SPNS1: variants seen among roughly 807,000 people sequenced by gnomAD.
SPNS1 encodes SPNS lysolipid transporter 1, lysophospholipid.
Under a neutral mutation model 50.3 loss-of-function variants are expected in SPNS1, and 22 were observed. The observed-to-expected ratio is 0.44, with a 90% CI of 0.31 to 0.62. The LOEUF (loss-of-function observed/expected upper bound fraction) is 0.62, where lower values mean the gene tolerates loss of function less well. Ranked by LOEUF, SPNS1 falls within the 20% of genes least tolerant of loss-of-function variation. The pLI is 0.07. For synonymous variants in SPNS1, 295 were observed against 317.4 expected (o/e 0.93, Z 0.75); for missense variants, 576 against 728.6 (o/e 0.79, Z 2.41).
chr16:28,977,327 A>AG (rs1177804624), intron 2 of SPNS1, among the ~76,000 whole-genome samples: 1 of 151,842 alleles, frequency 6.6e-6, no homozygotes, highest in East Asian at 1.9e-4. Context: ...AAAAAAAAAA[A>AG]AAAAAAGAGA....
chr16:28,982,631 C>A, intron 8 of SPNS1, 86 bp downstream of exon 8: 1 of 1,451,008 alleles, frequency 6.9e-7, no homozygotes, highest in Non-Finnish European at 9.4e-7. Flanking sequence ...GGTGGAATGC[C>A]TGGTTTTGAA....
chr16:28,983,976 C>T lies in SPNS1; in HGVS notation c.1492+19C>T. The stretch of plus-strand genomic sequence containing the variant: ...GTGCAGGGTCAGTTAGGAGCTGTGC[C>T]CGGCCCAGCTTCTTGATCTGCCTGT... On this transcript the variant is annotated intron_variant, in intron 11 of 11. Transcript: ENST00000311008. This position sits in a 1 kb window ranked among gnomAD's most constrained non-coding sequence, Gnocchi z 5.4. 1 of 1,538,238 alleles carries T rather than the reference C, an allele frequency of 6.5e-7. No homozygotes were observed. The highest frequency in any genetic ancestry group is 8.7e-7 in the Non-Finnish European group (1 of 1,147,580).
intron 8 of SPNS1, 135 bp downstream of exon 8, chr16:28,982,680 A>G: frequency 2.4e-6 from 3 of 1,270,290 alleles, no homozygotes; most frequent in Non-Finnish European, 3.3e-6. Context: ...GACATTGGAC[A>G]AGTGACTTAA....
intron 2 of SPNS1, among the ~76,000 whole-genome samples, chr16:28,976,197 G>C (rs4788112): frequency 6.6e-6 from 1 of 151,936 alleles, no homozygotes; most frequent in East Asian, 1.9e-4. Context: ...ACTTGAACCC[G>C]GGAGGCAGAG....
At chr16:28,976,536 T>G (rs78722125) in intron 2 of SPNS1, among the ~76,000 whole-genome samples, 5,439 of 152,204 alleles carry the variant, frequency 0.036, 136 homozygotes, top group Non-Finnish European at 0.06. Context: ...CAAAAATAGG[T>G]GTTACTGTTC....
chr16:28,983,045 G>C lies in SPNS1; in HGVS notation c.1221+123G>C. On this transcript the variant is annotated intron_variant, in intron 9 of 11. Transcript: ENST00000311008. This position sits in a 1 kb window ranked among gnomAD's most constrained non-coding sequence, Gnocchi z 5.4. ...CTACCTTCTGCAATAAATAACATCTGTAGCAGACCCCCGGCCTGCCCTGCG... is the reference window on the plus strand; with the variant it reads ...CTACCTTCTGCAATAAATAACATCTCTAGCAGACCCCCGGCCTGCCCTGCG... The C allele has an allele frequency of 7.8e-7, 1 of 1,276,112 alleles. No individual in the cohort carries two copies. Among genetic ancestry groups the C allele is most frequent in the Admixed American group, 1.8e-5 (1 of 54,582 alleles). The allele number at this position is 1,276,112 out of a possible 1,614,324, so 79.0% of individuals were successfully genotyped here. A position where few individuals can be genotyped will look rare whatever the true frequency, so the allele number is the denominator to read the frequency against.
chr16:28,975,598 T>A, intron 2 of SPNS1, 41 bp downstream of exon 2: 1 of 1,610,184 alleles, frequency 6.2e-7, no homozygotes, highest in Non-Finnish European at 8.5e-7. Context: ...CGCTCCTCCT[T>A]CTGTTCTGTC....
At chr16:28,976,180 G>A (rs555178775) in intron 2 of SPNS1, among the ~76,000 whole-genome samples, 3 of 152,280 alleles carry the variant, frequency 2.0e-5, no homozygotes, top group South Asian at 4.1e-4. Context: ...GCTGAGGCAT[G>A]AGAGTTACTT....
chr16:28,983,097 C>G lies in SPNS1; in HGVS notation c.1222-95C>G, dbSNP rs1048745942. 56 of 1,255,140 alleles carry G rather than the reference C, an allele frequency of 4.5e-5. No homozygotes were observed. The highest frequency in any genetic ancestry group is 5.5e-5 in the Non-Finnish European group (48 of 870,344). The allele number at this position is 1,255,140 out of a possible 1,614,324, so 77.8% of individuals were successfully genotyped here. ...CCTCAACCCCAGGCACACCTCTGAC[C>G]CCGGCCTAGGCGGATCCTTGGTGGT... On this transcript the variant is annotated intron_variant, in intron 9 of 11. Coordinates refer to ENST00000311008, the MANE Select transcript of SPNS1 (RefSeq NM_032038.3). The surrounding 1 kb of genome is among the most constrained non-coding windows in gnomAD (Gnocchi z 5.4).
chr16:28,979,800 A>G (rs1596749573), intron 5 of SPNS1: 1 of 294,834 alleles, frequency 3.4e-6, no homozygotes, highest in South Asian at 3.1e-5. Context: ...AGGCAGGTGG[A>G]TCACTTGAGG....
chr16:28,981,689 C>T lies in SPNS1; in HGVS notation c.809+74C>T, dbSNP rs931247341. 5.7e-6 allele frequency: 9 copies of T among 1,576,838 alleles called. No homozygotes were observed. In the African/African-American group the frequency reaches 1.2e-4, roughly 21 times the overall value. ...GGTTTGAGGTTTAAGTGGGGATGTT[C>T]CTGTTCCTGGCCACACCCCAAGGCC... On this transcript the variant is annotated intron_variant, in intron 6 of 11. Coordinates refer to ENST00000311008, the MANE Select transcript of SPNS1 (RefSeq NM_032038.3). This position sits in a 1 kb window ranked among gnomAD's most constrained non-coding sequence, Gnocchi z 4.2.
intron 7 of SPNS1, 21 bp from the exon 8 acceptor site, chr16:28,982,335 A>T (rs1965582183): frequency 1.3e-6 from 2 of 1,542,800 alleles, no homozygotes; most frequent in East Asian, 4.6e-5. Flanking sequence ...CAAACCCCCC[A>T]TTCCCTTCCC....
In SPNS1 at chr16:28,974,852, C is replaced by T. The variant is rs1343911842; in HGVS notation, c.-300C>T. On this transcript the variant is annotated 5_prime_UTR_variant, in exon 1 of 12. Transcript: ENST00000311008. Reference sequence around the variant, plus strand: ...GCTGAGCGACAGCAAGTGCAGCGGGCTCCTACCCCGGGTGAGGGGTGGCCT... The same window carrying T: ...GCTGAGCGACAGCAAGTGCAGCGGGTTCCTACCCCGGGTGAGGGGTGGCCT... 3.3e-6 allele frequency: 5 copies of T among 1,535,510 alleles called. No individual in the cohort carries two copies. The Admixed American group carries it at 9.8e-5, about 30-fold the overall frequency.
rs374022114 is a variant in SPNS1, at chr16:28,978,816, T to C, written c.445-339T>C. On this transcript the variant is annotated intron_variant, in intron 3 of 11. Coordinates refer to ENST00000311008, the MANE Select transcript of SPNS1 (RefSeq NM_032038.3). ...CACATAAACTCCCATCTAAGGTCAC[T>C]TATTCATTAAAAAAAAAAAATTAAA... 1.8e-4 allele frequency: 46 copies of C among 257,700 alleles called. 2 individuals carry two copies. Among genetic ancestry groups the C allele is most frequent in the African/African-American group, 5.7e-4 (25 of 43,972 alleles). The allele number at this position is 257,700 out of a possible 1,614,324, so 16.0% of individuals were successfully genotyped here.
chr16:28,983,359 G>T lies in SPNS1; in HGVS notation c.1320+69G>T. ...AGCCTGGGCTGGATCAGAAGGCCTG[G>T]CCCTAGTGAAGTGTCTGTGTCCTGC... On this transcript the variant is annotated intron_variant, in intron 10 of 11. Transcript: ENST00000311008. This position sits in a 1 kb window ranked among gnomAD's most constrained non-coding sequence, Gnocchi z 5.4. 2 of 1,286,670 alleles carry T rather than the reference G, an allele frequency of 1.6e-6. No homozygotes were observed. Among genetic ancestry groups the T allele is most frequent in the Non-Finnish European group, 2.3e-6 (2 of 883,250 alleles). The allele number at this position is 1,286,670 out of a possible 1,614,324, so 79.7% of individuals were successfully genotyped here.
intron 2 of SPNS1, among the ~76,000 whole-genome samples, chr16:28,977,086 G>A (rs1183320584): frequency 1.3e-5 from 2 of 152,254 alleles, no homozygotes; most frequent in East Asian, 3.9e-4. Flanking sequence ...TTGGGAGGCC[G>A]AGGCGGGTGG....
chr16:28,981,789 C>G lies in SPNS1; in HGVS notation c.810-112C>G. The G allele has an allele frequency of 6.6e-7, 1 of 1,519,210 alleles. No homozygotes were observed. The highest frequency in any genetic ancestry group is 1.2e-5 in the South Asian group (1 of 82,998). 94.1% of individuals were successfully genotyped at this position (1,519,210 alleles called of 1,614,324 possible). A position where few individuals can be genotyped will look rare whatever the true frequency, so the allele number is the denominator to read the frequency against. On this transcript the variant is annotated intron_variant, in intron 6 of 11. Coordinates refer to ENST00000311008, the MANE Select transcript of SPNS1 (RefSeq NM_032038.3). This position sits in a 1 kb window ranked among gnomAD's most constrained non-coding sequence, Gnocchi z 4.2. ...CCCAGATCCTGGGAGCCAGAACCAC[C>G]TCTGCACGGTGTTGTGACCTTACTA...
Position 28,983,104 on chromosome 16 carries a change from T to G in SPNS1, c.1222-88T>G. 1 of 1,280,036 alleles carries G rather than the reference T, an allele frequency of 7.8e-7. No individual in the cohort carries two copies. The highest frequency in any genetic ancestry group is 1.5e-5 in the African/African-American group (1 of 68,218). The allele number at this position is 1,280,036 out of a possible 1,614,324, so 79.3% of individuals were successfully genotyped here. ...CCCAGGCACACCTCTGACCCCGGCC[T>G]AGGCGGATCCTTGGTGGTCTCCTGG... On this transcript the variant is annotated intron_variant, in intron 9 of 11. Coordinates refer to ENST00000311008, the MANE Select transcript of SPNS1 (RefSeq NM_032038.3). This position sits in a 1 kb window ranked among gnomAD's most constrained non-coding sequence, Gnocchi z 5.4.
At chr16:28,982,331 C>T in intron 7 of SPNS1, 25 bp from the exon 8 acceptor site, 1 of 1,548,394 alleles carries the variant, frequency 6.5e-7, no homozygotes, top group Non-Finnish European at 8.7e-7. Context: ...GGGACAAACC[C>T]CCCATTCCCT....
Sources: gnomAD v4.1 joint callset for allele counts (sites outside exome capture counted in the v4.1 genomes callset) on GRCh38, gnomAD v4.1.1 for gene constraint, Gnocchi (gnomAD v3.1) non-coding constraint, MANE v1.5 for transcripts, NCBI Gene and HGNC (gene_info 2026-07-23, HGNC 2026-07-21) for gene names.